PTGES2: variants seen among roughly 807,000 people sequenced by gnomAD.
PTGES2 encodes the protein prostaglandin E synthase 2, also known as GATE-binding factor 1.
A neutral mutation model predicts 44.5 loss-of-function variants in PTGES2; 35 were observed. That is an observed-to-expected ratio of 0.79 (90% CI 0.60 to 1.04). The LOEUF is 1.04. PTGES2 is among the 50% of genes least tolerant of loss of function. PTGES2 has a pLI of 0.00. For synonymous variants in PTGES2, 221 were observed against 227.5 expected (o/e 0.97, Z 0.26); for missense variants, 517 against 521.4 (o/e 0.99, Z 0.08).
At chr9:128,128,119 C>T (rs1203109937), upstream of PTGES2, 3 of 367,988 alleles carry the variant, frequency 8.2e-6, no homozygotes, top group Non-Finnish European at 1.6e-5. Context: ...TCAGTACAGG[C>T]GCCGCGACTT....
rs140317954 is a variant in PTGES2 at position 128,121,926 on chromosome 9, A to C, written c.1005+436T>G. On this transcript the variant is annotated intron_variant, in intron 6 of 6. Coordinates refer to ENST00000338961, the MANE Select transcript of PTGES2 (RefSeq NM_025072.7). The stretch of plus-strand genomic sequence containing the variant: ...AGACTTGGTCTCAAAAAAAAAACAA[A>C]AACAACAACAACAAAAAAAAACAAA... 2.0e-5 allele frequency among the ~76,000 whole-genome samples: 3 copies of C among 152,002 alleles called. No individual in the cohort carries two copies. In the East Asian group the frequency reaches 5.8e-4, roughly 29 times the overall value.
Position 128,123,733 on chromosome 9 carries a change from G to A in PTGES2, c.655C>T (p.Gln219Ter). 1 of 1,613,366 alleles carries A rather than the reference G, an allele frequency of 6.2e-7. No individual in the cohort carries two copies. The highest frequency in any genetic ancestry group is 8.5e-7 in the Non-Finnish European group (1 of 1,179,810). Residue 219 changes from glutamine to a stop codon, truncating the protein, a stop_gained, in exon 4 of 7, where the codon CAG (glutamine) becomes TAG (stop). Transcript: ENST00000338961. LOFTEE classifies it high-confidence loss of function. The surrounding 1 kb of genome is among the most constrained non-coding windows in gnomAD (Gnocchi z 4.4). ...YWLMLNEKEA[Q>*]QVYGGKEART... is the part of the protein sequence containing the mutation. ...GCCTCCTTCCCACCATACACTTGCT[G>A]GGCCTCCTTCTCGTTGAGCATGAGC...
chr9:128,128,219 G>A (rs1834729285), upstream of PTGES2: 2 of 432,962 alleles, frequency 4.6e-6, no homozygotes, highest in Middle Eastern at 6.9e-4. Flanking sequence ...GCTTCCTACT[G>A]TGACCCGAAC....
Position 128,127,506 on chromosome 9 carries a change from C to T in PTGES2, c.212G>A (p.Gly71Glu). Residue 71 changes from glycine (G) to glutamate (E), a missense_variant, in exon 1 of 7, where the codon GGG becomes GAG. Coordinates refer to ENST00000338961, the MANE Select transcript of PTGES2 (RefSeq NM_025072.7). ...AAALALGGALGLYHTARWHLR... is the reference protein window; with the variant it reads ...AAALALGGALELYHTARWHLR... ...GTGCCACCGCGCCGTGTGGTACAGC[C>T]CCAGGGCTCCCCCCAGGGCCAGCGC... 7.4e-7 allele frequency: 1 copy of T among 1,349,138 alleles called. No individual in the cohort carries two copies. Among genetic ancestry groups the T allele is most frequent in the Non-Finnish European group, 9.5e-7 (1 of 1,048,602 alleles). 83.6% of individuals were successfully genotyped at this position (1,349,138 alleles called of 1,614,324 possible). A position where few individuals can be genotyped will look rare whatever the true frequency, so the allele number is the denominator to read the frequency against.
Position 128,127,427 on chromosome 9 carries a change from G to C in PTGES2, c.279+12C>G. 1 of 1,353,158 alleles carries C rather than the reference G, an allele frequency of 7.4e-7. No individual in the cohort carries two copies. The highest frequency in any genetic ancestry group is 9.5e-7 in the Non-Finnish European group (1 of 1,050,634). The allele number at this position is 1,353,158 out of a possible 1,614,324, so 83.8% of individuals were successfully genotyped here. On this transcript the variant is annotated intron_variant, in intron 1 of 6. Coordinates refer to ENST00000338961, the MANE Select transcript of PTGES2 (RefSeq NM_025072.7). ...GATCAGCATCCCCATCCCCGGCCGG[G>C]CCAGGCCTTACCTGCGCGGCTGAGC...
In PTGES2 at chr9:128,122,963, C is replaced by G; in HGVS notation, c.858G>C (p.Met286Ile). ...TCTTGAGTCGCTTGCTGATGAGGTA[C>G]ATGGCCGCTGCACCCATGTACTTGG... ...AVAKYMGAAA[M>I]YLISKRLKSR... Residue 286 changes from methionine to isoleucine, a missense_variant, in exon 5 of 7, where the codon ATG becomes ATC. By Grantham distance (10) the Met-to-Ile change is conservative (BLOSUM62 1). Coordinates refer to ENST00000338961, the MANE Select transcript of PTGES2 (RefSeq NM_025072.7). 6.2e-7 allele frequency: 1 copy of G among 1,614,066 alleles called. No individual in the cohort carries two copies. Among genetic ancestry groups the G allele is most frequent in the Non-Finnish European group, 8.5e-7 (1 of 1,180,036 alleles).
rs904032645 is a variant in PTGES2 at position 128,121,049 on chromosome 9, T to C, written c.*96A>G. ...GCGTGGACAAGGGGCAGAATGATCC[T>C]GCCCCCAACCAGTATCGCCAGGCGC... is the stretch of plus-strand genomic sequence containing the variant. On this transcript the variant is annotated 3_prime_UTR_variant, in exon 7 of 7. Coordinates refer to ENST00000338961, the MANE Select transcript of PTGES2 (RefSeq NM_025072.7). The C allele has an allele frequency of 1.5e-5, 22 of 1,474,086 alleles. No homozygotes were observed. The highest frequency in any genetic ancestry group is 1.0e-5 in the Non-Finnish European group (11 of 1,091,732). 91.3% of individuals were successfully genotyped at this position (1,474,086 alleles called of 1,614,324 possible). A position where few individuals can be genotyped will look rare whatever the true frequency, so the allele number is the denominator to read the frequency against.
upstream of PTGES2, chr9:128,127,808 G>C: frequency 1.7e-6 from 2 of 1,149,012 alleles, no homozygotes; most frequent in East Asian, 3.4e-5. Flanking sequence ...GGCGCCCCGC[G>C]GGTTGGCCGG....
upstream of PTGES2, chr9:128,128,431 G>T: frequency 2.2e-6 from 1 of 445,600 alleles, no homozygotes; most frequent in South Asian, 1.6e-5. Context: ...TCCGCGGACA[G>T]CCCCGGGATG....
chr9:128,124,695 C>T, intron 2 of PTGES2, 145 bp from the exon 3 acceptor site: 1 of 1,285,998 alleles, frequency 7.8e-7, no homozygotes, highest in South Asian at 1.5e-5. Flanking sequence ...CTCAGGGCAC[C>T]CATCCTAAGT....
chr9:128,128,356 G>C, upstream of PTGES2: 1 of 456,270 alleles, frequency 2.2e-6, no homozygotes, highest in Non-Finnish European at 4.4e-6. Flanking sequence ...GTGCCAGGCT[G>C]CTCGGTCCTT....
rs1397564199 is a variant in PTGES2 at position 128,125,447 on chromosome 9, G to T, written c.280-6C>A. On this transcript the variant is annotated splice_polypyrimidine_tract_variant and splice_region_variant and intron_variant, in intron 1 of 6. Transcript: ENST00000338961. ...AGGCGGCTGGACAGGGAGAGCTGCG[G>T]GCAGCAGACGGAAAAGGCTTCTAGA... 1.9e-6 allele frequency: 3 copies of T among 1,613,492 alleles called. No homozygotes were observed. Among genetic ancestry groups the T allele is most frequent in the Non-Finnish European group, 2.5e-6 (3 of 1,179,898 alleles).
At chr9:128,124,066 C>A (rs999285510) in intron 3 of PTGES2, among the ~76,000 whole-genome samples, 1 of 151,212 alleles carries the variant, frequency 6.6e-6, no homozygotes, top group South Asian at 2.1e-4. Context: ...AGGACGGCCA[C>A]GGGCTACTCT....
upstream of PTGES2, chr9:128,128,099 C>T (rs183541829): frequency 9.4e-5 from 34 of 361,446 alleles, no homozygotes; most frequent in Admixed American, 6.9e-4. Flanking sequence ...AACTCCAGCC[C>T]TTCCTAGAGT....
At chr9:128,128,217 C>T (rs1031910640), upstream of PTGES2, 13 of 431,396 alleles carry the variant, frequency 3.0e-5, no homozygotes, top group Non-Finnish European at 5.1e-5. Flanking sequence ...CCGCTTCCTA[C>T]TGTGACCCGA....
At chr9:128,121,331 T>A in intron 6 of PTGES2, 58 bp from the exon 7 acceptor site, 2 of 1,566,392 alleles carry the variant, frequency 1.3e-6, no homozygotes, top group Non-Finnish European at 1.7e-6. Context: ...CCAGACCTCC[T>A]TCGTTCCCTG....
At chr9:128,121,302 T>A in intron 6 of PTGES2, 29 bp from the exon 7 acceptor site, 1 of 1,593,590 alleles carries the variant, frequency 6.3e-7, no homozygotes, top group Non-Finnish European at 8.6e-7. Context: ...CGTGTCACCA[T>A]AGCTGGTTTG....
chr9:128,125,999 G>C (rs907191846), intron 1 of PTGES2, among the ~76,000 whole-genome samples: 21 of 152,148 alleles, frequency 1.4e-4, no homozygotes, highest in African/African-American at 5.1e-4. Context: ...CTTGAACTCC[G>C]GGGTTCATGT....
upstream of PTGES2, chr9:128,128,397 C>T (rs1834735974): frequency 2.2e-6 from 1 of 455,312 alleles, no homozygotes; most frequent in Non-Finnish European, 4.4e-6. Flanking sequence ...AGCTGAAGCC[C>T]GGAGCCTCCA....
Sources: allele counts gnomAD v4.1 joint callset (sites outside exome capture counted in the v4.1 genomes callset), GRCh38; gene constraint gnomAD v4.1.1; non-coding constraint Gnocchi (gnomAD v3.1); transcripts MANE v1.5; gene names NCBI Gene and HGNC (gene_info 2026-07-23, HGNC 2026-07-21).